MLF1: variants seen among roughly 807,000 people sequenced by gnomAD.
MLF1 encodes the protein myeloid leukemia factor 1.
Under a neutral mutation model 38.3 loss-of-function variants are expected in MLF1, and 37 were observed. The observed-to-expected ratio is 0.96, with a 90% CI of 0.74 to 1.27. The LOEUF is 1.27. Among genes scored for constraint, MLF1 ranks in the 50% most tolerant of loss-of-function variants. MLF1 has a pLI of 0.00. For missense variants in MLF1, 331 were observed against 349.2 expected (o/e 0.95, Z 0.42); for synonymous variants, 95 against 106.5 (o/e 0.89, Z 0.66).
chr3:158,602,414 G>C (rs1719926548), intron 6 of MLF1, among the ~76,000 whole-genome samples: 1 of 152,116 alleles, frequency 6.6e-6, no homozygotes, highest in Admixed American at 6.5e-5. Flanking sequence ...GTGAGGTCAA[G>C]TTACACAGAA....
chr3:158,578,619 A>AT (rs1220602282), intron 1 of MLF1, among the ~76,000 whole-genome samples: 8 of 152,102 alleles, frequency 5.3e-5, no homozygotes, highest in Admixed American at 5.2e-4. Context: ...GTAGGCAACA[A>AT]TTTATTTTTC....
intron 1 of MLF1, among the ~76,000 whole-genome samples, chr3:158,572,801 G>A (rs1468933796): frequency 1.4e-5 from 2 of 147,722 alleles, no homozygotes; most frequent in Admixed American, 6.7e-5. Context: ...GTTTGGGGGC[G>A]TGAGGTCGCA....
rs376796400 is a variant in MLF1 at position 158,599,586 on chromosome 3, A to G, written c.454-428A>G. Reference sequence around the variant, plus strand: ...GTAAATCATGTTAGTTGCTATCAGAAATATTCTTATAATACTTCCATAGAG... The same window carrying G: ...GTAAATCATGTTAGTTGCTATCAGAGATATTCTTATAATACTTCCATAGAG... On this transcript the variant is annotated intron_variant, in intron 5 of 7. Coordinates refer to ENST00000466246, the MANE Select transcript of MLF1 (RefSeq NM_001369783.1). 5.3e-5 allele frequency among the ~76,000 whole-genome samples: 8 copies of G among 152,296 alleles called. 1 individual carries two copies. The highest frequency in any genetic ancestry group is 3.9e-4 in the East Asian group (2 of 5,192).
intron 7 of MLF1, among the ~76,000 whole-genome samples, chr3:158,604,441 A>G (rs963284262): frequency 6.6e-6 from 1 of 152,234 alleles, no homozygotes; most frequent in Non-Finnish European, 1.5e-5. Context: ...CACTAGCCAC[A>G]TGTGGCTGTT....
At chr3:158,578,200 A>G (rs1715759546) in intron 1 of MLF1, among the ~76,000 whole-genome samples, 1 of 152,098 alleles carries the variant, frequency 6.6e-6, no homozygotes, top group African/African-American at 2.4e-5. Context: ...AACCATAACC[A>G]TCTGCTGGCT....
chr3:158,593,204 C>T (rs1411658212), intron 2 of MLF1, among the ~76,000 whole-genome samples, 178 bp from the exon 3 acceptor site: 4 of 150,918 alleles, frequency 2.7e-5, no homozygotes, highest in Non-Finnish European at 5.9e-5. Context: ...ATTTCTTTTG[C>T]TTTTTCAGCC....
At position 158,592,601 on chromosome 3, in the gene MLF1, A is replaced by G. The variant is rs1036256522; in HGVS notation, c.195+20A>G. On this transcript the variant is annotated intron_variant, in intron 2 of 7. Coordinates refer to ENST00000466246, the MANE Select transcript of MLF1 (RefSeq NM_001369783.1). ...TTGACTGTAAGTTCTTTTTTTTAAG[A>G]CAGTTAGTGAGAAGGCCCTGTAGGA... 14 of 1,566,700 alleles carry G rather than the reference A, an allele frequency of 8.9e-6. No individual in the cohort carries two copies. Among genetic ancestry groups the G allele is most frequent in the Non-Finnish European group, 1.2e-5 (14 of 1,160,046 alleles).
Position 158,605,211 on chromosome 3 carries a change from G to T in MLF1, c.*9G>T. The T allele has an allele frequency of 1.2e-6, 2 of 1,600,396 alleles. No individual in the cohort carries two copies. Among genetic ancestry groups the T allele is most frequent in the Non-Finnish European group, 1.7e-6 (2 of 1,169,590 alleles). ...AAAGCAACAAAAAATAAATAGCCATGCATTTGATTTGTTTAGTTTTGATTG... is the reference window on the plus strand; with the variant it reads ...AAAGCAACAAAAAATAAATAGCCATTCATTTGATTTGTTTAGTTTTGATTG... On this transcript the variant is annotated 3_prime_UTR_variant, in exon 8 of 8. Transcript: ENST00000466246.
Position 158,597,675 on chromosome 3 carries a change from C to T in MLF1, c.325-405C>T, listed in dbSNP as rs147762205. Among the ~76,000 whole-genome samples, 1,047 of 152,196 alleles carry T rather than the reference C, an allele frequency of 6.9e-3. 6 individuals are homozygous for T. Among genetic ancestry groups the T allele is most frequent in the Non-Finnish European group, 9.6e-3 (654 of 67,998 alleles). ...AGGAGGTACGAAACTTGATGTATAA[C>T]TAATTGATTGGCTTAATGTTGGCAA... On this transcript the variant is annotated intron_variant, in intron 4 of 7. Transcript: ENST00000466246.
chr3:158,575,392 C>T (rs1459575077), intron 1 of MLF1, among the ~76,000 whole-genome samples: 1 of 152,100 alleles, frequency 6.6e-6, no homozygotes, highest in Non-Finnish European at 1.5e-5. Context: ...TTAACAATTT[C>T]TTTTCTCCAC....
chr3:158,576,033 T>C (rs1468210223), intron 1 of MLF1, among the ~76,000 whole-genome samples: 1 of 152,196 alleles, frequency 6.6e-6, no homozygotes, highest in African/African-American at 2.4e-5. Context: ...AATATTTAAG[T>C]AAAAAGTAAT....
rs1342439176 is a variant in MLF1, at chr3:158,596,865, A to G, written c.244A>G (p.Thr82Ala). 3.9e-5 allele frequency: 62 copies of G among 1,603,104 alleles called. No individual in the cohort carries two copies. Among genetic ancestry groups the G allele is most frequent in the Non-Finnish European group, 4.8e-5 (56 of 1,171,750 alleles). ...VPFGDFGGMHTDVSSFQTMDQ... is the reference protein window; with the variant it reads ...VPFGDFGGMHADVSSFQTMDQ... ...CATACTTCCTGATATTCTGTAGCATACAGATGTCAGCTCTTTCCAGACAAT... is the reference window on the plus strand; with the variant it reads ...CATACTTCCTGATATTCTGTAGCATGCAGATGTCAGCTCTTTCCAGACAAT... Residue 82 changes from threonine to alanine, a missense_variant, in exon 4 of 8, where the codon ACA becomes GCA. Coordinates refer to ENST00000466246, the MANE Select transcript of MLF1 (RefSeq NM_001369783.1).
intron 1 of MLF1, among the ~76,000 whole-genome samples, chr3:158,587,000 A>G (rs549555598): frequency 2.8e-4 from 42 of 152,336 alleles, no homozygotes; most frequent in African/African-American, 9.1e-4. Context: ...TGCCTTTTAC[A>G]TATGTGTTCA....
intron 3 of MLF1, among the ~76,000 whole-genome samples, chr3:158,595,488 CCT>C (rs1460680508): frequency 6.6e-6 from 1 of 152,168 alleles, no homozygotes; most frequent in East Asian, 1.9e-4. Flanking sequence ...CTAATCTTTT[CCT>C]CTCTCTCTTT....
chr3:158,598,050 C>T (rs768010049), intron 4 of MLF1, 30 bp from the exon 5 acceptor site: 40 of 1,606,504 alleles, frequency 2.5e-5, no homozygotes, highest in African/African-American at 1.7e-4. Flanking sequence ...ATATTTGACT[C>T]GACTGAATTT....
intron 1 of MLF1, among the ~76,000 whole-genome samples, chr3:158,579,199 C>T (rs932040844): frequency 3.9e-5 from 6 of 152,042 alleles, no homozygotes; most frequent in Admixed American, 6.5e-5. Context: ...CAAAAGAGAA[C>T]ATTATGAATG....
At chr3:158,590,893 A>G (rs1046723213) in intron 1 of MLF1, 1 of 434,710 alleles carries the variant, frequency 2.3e-6, no homozygotes, top group African/African-American at 2.0e-5. Context: ...ACAAGGCTGA[A>G]TGAAAACATC....
intron 3 of MLF1, among the ~76,000 whole-genome samples, chr3:158,595,656 T>C (rs1187988642): frequency 6.6e-6 from 1 of 152,128 alleles, no homozygotes; most frequent in East Asian, 1.9e-4. Context: ...CCCAAATATA[T>C]ATTAGTATTT....
rs371197920 is a variant in MLF1, at chr3:158,589,843, G to A, written c.48-2591G>A. On this transcript the variant is annotated intron_variant, in intron 1 of 7. Transcript: ENST00000466246. The stretch of plus-strand genomic sequence containing the variant: ...AATCTGTTTCCTTGTCTTTTCTAGC[G>A]TCTAGATACTGCTGTGTTCCTTGGC... Among the ~76,000 whole-genome samples the A allele has an allele frequency of 1.2e-4, 19 of 152,154 alleles. 1 individual carries two copies. The highest frequency in any genetic ancestry group is 7.7e-4 in the East Asian group (4 of 5,166).
Sources: allele counts gnomAD v4.1 joint callset (sites outside exome capture counted in the v4.1 genomes callset), GRCh38; gene constraint gnomAD v4.1.1; transcripts MANE v1.5; gene names NCBI Gene and HGNC (gene_info 2026-07-23, HGNC 2026-07-21).